BCAS4: variants seen among roughly 807,000 people sequenced by gnomAD.
The protein encoded by BCAS4 is breast carcinoma-amplified sequence 4.
Under a neutral mutation model 15.7 loss-of-function variants are expected in BCAS4, and 9 were observed. The ratio of observed to expected loss-of-function variants is 0.57; its 90% confidence interval spans 0.34 to 1.00. The LOEUF (loss-of-function observed/expected upper bound fraction) is 1.00, where lower values mean the gene tolerates loss of function less well. BCAS4 is among the 50% of genes least tolerant of loss of function. The pLI is 0.02. For synonymous variants in BCAS4, 101 were observed against 99.5 expected (o/e 1.02, Z -0.09); for missense variants, 225 against 239.1 (o/e 0.94, Z 0.39).
intron 4 of BCAS4, among the ~76,000 whole-genome samples, chr20:50,848,111 C>G (rs1334104636): frequency 6.6e-6 from 1 of 151,338 alleles, no homozygotes; most frequent in African/African-American, 2.4e-5. Flanking sequence ...GGCCCTTTAG[C>G]TGGGCATGGT....
chr20:50,876,334 C>A, intron 4 of BCAS4, 152 bp from the exon 5 acceptor site: 1 of 1,007,428 alleles, frequency 9.9e-7, no homozygotes, highest in Non-Finnish European at 1.4e-6. Context: ...GGGTGGCCGG[C>A]TTTGGCTGTC....
chr20:50,838,526 A>T (rs1251011549), intron 3 of BCAS4, among the ~76,000 whole-genome samples: 1 of 152,098 alleles, frequency 6.6e-6, no homozygotes, highest in Non-Finnish European at 1.5e-5. Flanking sequence ...CCTGGCCAAC[A>T]TGGTGAAACA....
intron 1 of BCAS4, among the ~76,000 whole-genome samples, chr20:50,815,022 C>T (rs552312628): frequency 1.2e-4 from 18 of 152,306 alleles, no homozygotes; most frequent in Admixed American, 1.1e-3. Flanking sequence ...TGTGTGTCAG[C>T]ACTCTGTTAA....
intron 1 of BCAS4, 88 bp downstream of exon 1, chr20:50,795,261 C>T: frequency 8.4e-7 from 1 of 1,195,106 alleles, no homozygotes; most frequent in Non-Finnish European, 1.1e-6. Flanking sequence ...GGAGCATCCT[C>T]TCGCTCCCGG....
At chr20:50,816,791 A>C (rs1268239501) in intron 1 of BCAS4, among the ~76,000 whole-genome samples, 1 of 80,898 alleles carries the variant, frequency 1.2e-5, no homozygotes, top group Non-Finnish European at 2.2e-5. Context: ...TGCCTGGCTA[A>C]TTTTTTTTTT....
chr20:50,860,828 C>A (rs1478882650), intron 4 of BCAS4, among the ~76,000 whole-genome samples: 2 of 152,056 alleles, frequency 1.3e-5, no homozygotes, highest in Non-Finnish European at 2.9e-5. Flanking sequence ...GAGCCAAGAT[C>A]ATGCCACTGT....
rs191105204 is a variant in BCAS4, at chr20:50,840,461, C to T, written c.265-1305C>T. On this transcript the variant is annotated intron_variant, in intron 3 of 4. Transcript: ENST00000371608. ...AGATGGGAGAGGCAGTCGCGGCCTT[C>T]GTTGTCAGTAGTTCTTTGATGTGAA... The T allele has an allele frequency of 2.5e-4, 230 of 919,466 alleles. 1 individual carries two copies. The highest frequency in any genetic ancestry group is 1.7e-3 in the South Asian group (128 of 74,804). 57.0% of individuals were successfully genotyped at this position (919,466 alleles called of 1,614,324 possible).
At chr20:50,849,864 C>T (rs1295372600) in intron 4 of BCAS4, among the ~76,000 whole-genome samples, 1 of 152,180 alleles carries the variant, frequency 6.6e-6, no homozygotes, top group African/African-American at 2.4e-5. Context: ...CAGTGGCTCA[C>T]ACCTGTAATC....
At chr20:50,862,579 C>A (rs1979141365) in intron 4 of BCAS4, among the ~76,000 whole-genome samples, 1 of 152,022 alleles carries the variant, frequency 6.6e-6, no homozygotes, top group African/African-American at 2.4e-5. Context: ...AAGGACACCT[C>A]ATGTCTGAGG....
At chr20:50,803,670 A>C (rs747511553) in intron 1 of BCAS4, among the ~76,000 whole-genome samples, 2 of 151,932 alleles carry the variant, frequency 1.3e-5, no homozygotes, top group Non-Finnish European at 2.9e-5. Flanking sequence ...TAGCAAGACC[A>C]TGTCTCTACA....
At chr20:50,844,149 C>CA (rs1051744332) in intron 4 of BCAS4, among the ~76,000 whole-genome samples, 3 of 150,464 alleles carry the variant, frequency 2.0e-5, no homozygotes, top group African/African-American at 4.9e-5. Flanking sequence ...CCCTGTCTCA[C>CA]AAAAAAAAGC....
chr20:50,817,951 T>C (rs2088160872), intron 1 of BCAS4, among the ~76,000 whole-genome samples: 1 of 151,968 alleles, frequency 6.6e-6, no homozygotes, highest in African/African-American at 2.4e-5. Flanking sequence ...GCTTTGTTAT[T>C]TCCTGTATTT....
intron 2 of BCAS4, among the ~76,000 whole-genome samples, chr20:50,823,746 G>A (rs2088245051): frequency 6.6e-6 from 1 of 152,140 alleles, no homozygotes; most frequent in African/African-American, 2.4e-5. Context: ...TTCAGGAATA[G>A]GCAGAAGTAA....
chr20:50,862,496 T>C (rs1979136080), intron 4 of BCAS4, among the ~76,000 whole-genome samples: 1 of 152,120 alleles, frequency 6.6e-6, no homozygotes, highest in South Asian at 2.1e-4. Flanking sequence ...CGCAGGTGCA[T>C]GTGCAGGCCC....
chr20:50,872,446 C>T (rs1381139473), intron 4 of BCAS4, among the ~76,000 whole-genome samples: 1 of 149,176 alleles, frequency 6.7e-6, no homozygotes, highest in Non-Finnish European at 1.5e-5. Flanking sequence ...TGGCGGGTGC[C>T]TGTAGTCTCA....
chr20:50,806,896 G>T (rs889031913), intron 1 of BCAS4, among the ~76,000 whole-genome samples: 2 of 113,538 alleles, frequency 1.8e-5, no homozygotes, highest in South Asian at 2.8e-4. Flanking sequence ...TTTTGAGACC[G>T]AGTCTCACTC....
chr20:50,832,484 C>T (rs1193062440), intron 3 of BCAS4, among the ~76,000 whole-genome samples: 1 of 152,052 alleles, frequency 6.6e-6, no homozygotes, highest in Non-Finnish European at 1.5e-5. Flanking sequence ...TCTCGAACTC[C>T]CGACCTCAAG....
At chr20:50,852,293 C>A (rs1158949364) in intron 4 of BCAS4, among the ~76,000 whole-genome samples, 3 of 152,176 alleles carry the variant, frequency 2.0e-5, no homozygotes, top group African/African-American at 7.2e-5. Context: ...CTGTGACTGG[C>A]AGGGGAGGCG....
At chr20:50,853,139 ATTTTTTT>A (rs35651267) in intron 4 of BCAS4, among the ~76,000 whole-genome samples, 1 of 106,906 alleles carries the variant, frequency 9.4e-6, no homozygotes. Context: ...ATCCCCTTTC[ATTTTTTT>A]TTTTTTTTTT....
Sources: allele counts gnomAD v4.1 joint callset (sites outside exome capture counted in the v4.1 genomes callset), GRCh38; gene constraint gnomAD v4.1.1; transcripts MANE v1.5; gene names NCBI Gene and HGNC (gene_info 2026-07-23, HGNC 2026-07-21).